The following CYP7B1 variants were observed in gnomAD, a reference collection of about 807,000 sequenced individuals.
The protein encoded by CYP7B1 is cytochrome P450 family 7 subfamily B member 1, also known as cytochrome P450 7B1.
CYP7B1 carries 29 observed loss-of-function variants against 42.7 expected under a neutral mutation model. The ratio of observed to expected loss-of-function variants is 0.68; its 90% CI spans 0.51 to 0.93. CYP7B1 has a LOEUF of 0.93. Ranked by LOEUF, CYP7B1 falls within the 40% of genes least tolerant of loss-of-function variation. The probability of loss-of-function intolerance (pLI) is 0.00; values close to 1 mark genes in which losing one functional copy is unlikely to be tolerated. For synonymous variants in CYP7B1, 235 were observed against 218.2 expected, an observed-to-expected ratio of 1.08 and a Z score of -0.68; for missense variants, 655 against 600.5, an observed-to-expected ratio of 1.09 and a Z score of -0.95.
At chr8:64,652,972 C>A (rs1585834093) in intron 1 of CYP7B1, among the ~76,000 whole-genome samples, 2 of 152,102 alleles carry the variant, frequency 1.3e-5, no homozygotes, top group East Asian at 3.9e-4. Context: ...ATACAACATA[C>A]CAAAATCTCT....
chr8:64,724,004 T>C (rs1276110761), intron 1 of CYP7B1, among the ~76,000 whole-genome samples: 1 of 151,770 alleles, frequency 6.6e-6, no homozygotes, highest in Non-Finnish European at 1.5e-5. Flanking sequence ...CATGGGTGTA[T>C]AAACAAAGTT....
chr8:64,698,025 T>C (rs937734719), intron 1 of CYP7B1, among the ~76,000 whole-genome samples: 1 of 152,222 alleles, frequency 6.6e-6, no homozygotes, highest in Non-Finnish European at 1.5e-5. Context: ...GTCCATGGCC[T>C]TGTATCAAAT....
At chr8:64,734,845 A>C (rs1015830034) in intron 1 of CYP7B1, among the ~76,000 whole-genome samples, 1 of 152,238 alleles carries the variant, frequency 6.6e-6, no homozygotes, top group African/African-American at 2.4e-5. Context: ...AAACAAAAGC[A>C]TAAGTATACT....
intron 1 of CYP7B1, among the ~76,000 whole-genome samples, chr8:64,636,624 T>C (rs1057356275): frequency 1.3e-5 from 2 of 152,186 alleles, no homozygotes; most frequent in Non-Finnish European, 2.9e-5. Flanking sequence ...TTAGATTTTA[T>C]TTTAGGGCTG....
rs2129630171 is a variant in CYP7B1 at position 64,615,123 on chromosome 8, G to A, written c.960C>T (p.Asp320=). 2.5e-6 allele frequency: 4 copies of A among 1,613,570 alleles called. No homozygotes were observed. Among genetic ancestry groups the A allele is most frequent in the Middle Eastern group, 1.6e-4 (1 of 6,062 alleles). ...RHPEAMAAVR[D]EIDRLLQSTG... ...TTGACTGCAGCAAACGGTCAATTTCGTCACGCACTGCTGCCATAGCTTCTG... is the reference window on the plus strand; with the variant it reads ...TTGACTGCAGCAAACGGTCAATTTCATCACGCACTGCTGCCATAGCTTCTG... Residue 320 remains aspartate (D), a synonymous_variant, in exon 4 of 6, where the codon GAC becomes GAT. Transcript: ENST00000310193.
intron 1 of CYP7B1, among the ~76,000 whole-genome samples, chr8:64,689,041 C>T (rs982610580): frequency 2.0e-5 from 3 of 152,196 alleles, no homozygotes; most frequent in African/African-American, 7.2e-5. Context: ...TTTAAATTAG[C>T]TGTATGAAAT....
chr8:64,717,857 GT>G (rs11385332), intron 1 of CYP7B1, among the ~76,000 whole-genome samples: 86 of 140,820 alleles, frequency 6.1e-4, no homozygotes, highest in East Asian at 5.1e-3. Context: ...CAAAAAATAA[GT>G]TTTTTTTTTT....
At chr8:64,713,637 T>C (rs1807113074) in intron 1 of CYP7B1, among the ~76,000 whole-genome samples, 1 of 152,106 alleles carries the variant, frequency 6.6e-6, no homozygotes, top group South Asian at 2.1e-4. Flanking sequence ...ATCAGTCAAC[T>C]TGAAGAAATA....
chr8:64,767,023 T>C (rs1277467136), intron 1 of CYP7B1, among the ~76,000 whole-genome samples: 1 of 152,176 alleles, frequency 6.6e-6, no homozygotes, highest in East Asian at 1.9e-4. Flanking sequence ...CTGGGGAACT[T>C]TACTCTTTTC....
At chr8:64,645,326 G>T (rs924474594) in intron 1 of CYP7B1, among the ~76,000 whole-genome samples, 4 of 152,112 alleles carry the variant, frequency 2.6e-5, no homozygotes, top group African/African-American at 9.7e-5. Context: ...GATTCCTGAG[G>T]AATCACCACA....
intron 1 of CYP7B1, among the ~76,000 whole-genome samples, chr8:64,689,845 G>T (rs918203227): frequency 4.6e-5 from 7 of 152,156 alleles, no homozygotes; most frequent in Non-Finnish European, 8.8e-5. Flanking sequence ...TGGGATTACA[G>T]GCATGAGCGA....
At chr8:64,624,951 C>CCTT (rs1805586879) in intron 1 of CYP7B1, among the ~76,000 whole-genome samples, 3 of 54,022 alleles carry the variant, frequency 5.6e-5, no homozygotes, top group Admixed American at 3.0e-4. Flanking sequence ...TTATATCATT[C>CCTT]TTTTTTTTTT....
chr8:64,744,948 G>A (rs1427630072), intron 1 of CYP7B1, among the ~76,000 whole-genome samples: 2 of 152,114 alleles, frequency 1.3e-5, no homozygotes, highest in East Asian at 3.8e-4. Context: ...AAAACTAAAT[G>A]TATGCATGTG....
In CYP7B1 at chr8:64,645,916, T is replaced by G. The variant is rs1352799467; in HGVS notation, c.123-21377A>C. ...CTGCATATCTACAACTATCTGATCTTTGACAAACCTGAGGAAAAAAAAGCA... is the reference window on the plus strand; with the variant it reads ...CTGCATATCTACAACTATCTGATCTGTGACAAACCTGAGGAAAAAAAAGCA... On this transcript the variant is annotated intron_variant, in intron 1 of 5. Transcript: ENST00000310193. Among the ~76,000 whole-genome samples, 7 of 152,152 alleles carry G rather than the reference T, an allele frequency of 4.6e-5. No homozygotes were observed. In the South Asian group the frequency reaches 1.0e-3, roughly 23 times the overall value.
intron 4 of CYP7B1, among the ~76,000 whole-genome samples, chr8:64,607,599 G>A (rs1805301615): frequency 6.6e-6 from 1 of 152,126 alleles, no homozygotes. Flanking sequence ...TGATAGGCGG[G>A]CAAATTGAGT....
At chr8:64,597,197 CAAGTAG>C (rs1199353865) in intron 5 of CYP7B1, among the ~76,000 whole-genome samples, 1 of 152,114 alleles carries the variant, frequency 6.6e-6, no homozygotes, top group Non-Finnish European at 1.5e-5. Flanking sequence ...CTGAGCTTCC[CAAGTAG>C]AGTGGCAACA....
At chr8:64,738,335 C>G (rs1238311263) in intron 1 of CYP7B1, among the ~76,000 whole-genome samples, 1 of 152,024 alleles carries the variant, frequency 6.6e-6, no homozygotes, top group African/African-American at 2.4e-5. Context: ...ATTTCTAACA[C>G]TTTAAATGTG....
chr8:64,644,837 G>A (rs960112996), intron 1 of CYP7B1, among the ~76,000 whole-genome samples: 1 of 151,548 alleles, frequency 6.6e-6, no homozygotes, highest in Non-Finnish European at 1.5e-5. Flanking sequence ...GTATACATGT[G>A]CCATGCTGGT....
At chr8:64,711,608 T>C (rs1454398323) in intron 1 of CYP7B1, among the ~76,000 whole-genome samples, 1 of 152,224 alleles carries the variant, frequency 6.6e-6, no homozygotes, top group Admixed American at 6.5e-5. Context: ...GACTCAACTT[T>C]CAGGTAGTTC....
Sources: gnomAD v4.1 joint callset for allele counts (sites outside exome capture counted in the v4.1 genomes callset) on GRCh38, gnomAD v4.1.1 for gene constraint, MANE v1.5 for transcripts, NCBI Gene and HGNC (gene_info 2026-07-23, HGNC 2026-07-21) for gene names.